Variants in WDFY3 observed in about 807,000 individuals in gnomAD.
WDFY3 encodes the protein WD repeat and FYVE domain containing 3, also known as WD repeat and FYVE domain-containing protein 3.
A neutral mutation model predicts 409.6 loss-of-function variants in WDFY3; 66 were observed. The ratio of observed to expected loss-of-function variants is 0.16; its 90% CI spans 0.13 to 0.20. The LOEUF is 0.20. Among genes scored for constraint, WDFY3 ranks in the 10% least tolerant of loss-of-function variants. WDFY3 has a pLI of 1.00. For synonymous variants in WDFY3, 1,521 were observed against 1,537.1 expected, an observed-to-expected ratio of 0.99 and a Z score of 0.25; for missense variants, 3,031 against 4,298.1, an observed-to-expected ratio of 0.71 and a Z score of 8.24.
chr4:84,881,096 T>G (rs1473421576), intron 3 of WDFY3, among the ~76,000 whole-genome samples: 2 of 152,058 alleles, frequency 1.3e-5, no homozygotes, highest in East Asian at 3.9e-4. Context: ...CAATATAGCC[T>G]TATTCAAGAT....
chr4:84,952,324 G>T (rs1773713620), intron 1 of WDFY3, among the ~76,000 whole-genome samples: 2 of 152,150 alleles, frequency 1.3e-5, no homozygotes, highest in Admixed American at 1.3e-4. Context: ...GAACATAAAA[G>T]AATGTATGAC....
Position 84,834,492 on chromosome 4 carries a change from A to AC in WDFY3, c.576+2436_576+2437insG, listed in dbSNP as rs543026922. Among the ~76,000 whole-genome samples, 226 of 149,804 alleles carry AC rather than the reference A, an allele frequency of 1.5e-3. 2 individuals are homozygous for AC. The highest frequency in any genetic ancestry group is 5.2e-3 in the African/African-American group (215 of 41,004). On this transcript the variant is annotated intron_variant, in intron 7 of 67. Coordinates refer to ENST00000295888, the MANE Select transcript of WDFY3 (RefSeq NM_014991.6). Reference sequence around the variant, plus strand: ...TGAAACCTCATCTCTACTAAAAACAAAAAAAAAAAACTAGCCAGGCATGGT... The same window carrying AC: ...TGAAACCTCATCTCTACTAAAAACAACAAAAAAAAAACTAGCCAGGCATGGT...
intron 16 of WDFY3, among the ~76,000 whole-genome samples, chr4:84,802,382 G>A (rs943103236): frequency 4.0e-5 from 6 of 151,388 alleles, no homozygotes; most frequent in Non-Finnish European, 7.4e-5. Flanking sequence ...GCCTCAGTCC[G>A]CCGAGTAGCT....
chr4:84,941,416 G>A (rs1459009864), intron 1 of WDFY3, among the ~76,000 whole-genome samples: 1 of 151,992 alleles, frequency 6.6e-6, no homozygotes, highest in Non-Finnish European at 1.5e-5. Context: ...CACATGAAAT[G>A]CTGAGGAGTA....
chr4:84,939,783 G>A (rs1235353849), intron 1 of WDFY3, among the ~76,000 whole-genome samples: 2 of 151,880 alleles, frequency 1.3e-5, no homozygotes, highest in African/African-American at 2.4e-5. Context: ...CATGGTATGT[G>A]CCCTACCCTA....
At chr4:84,805,721 T>A (rs1218589450) in intron 15 of WDFY3, among the ~76,000 whole-genome samples, 3 of 152,198 alleles carry the variant, frequency 2.0e-5, no homozygotes, top group Non-Finnish European at 4.4e-5. Flanking sequence ...TTGCTTAACT[T>A]ATCATCAGGT....
Position 84,753,884 on chromosome 4 carries a change from G to A in WDFY3, c.5560-8C>T. 1 of 1,570,516 alleles carries A rather than the reference G, an allele frequency of 6.4e-7. No individual in the cohort carries two copies. Among genetic ancestry groups the A allele is most frequent in the African/African-American group, 1.4e-5 (1 of 73,164 alleles). On this transcript the variant is annotated splice_polypyrimidine_tract_variant and splice_region_variant and intron_variant, in intron 34 of 67. Coordinates refer to ENST00000295888, the MANE Select transcript of WDFY3 (RefSeq NM_014991.6). ...TTCTTCTGATTGCCAAGGCTGTTAT[G>A]GGGACATGAGAGGAAACACTATGTT...
intron 40 of WDFY3, 97 bp downstream of exon 40, chr4:84,738,913 A>T: frequency 8.0e-7 from 1 of 1,243,302 alleles, no homozygotes; most frequent in Non-Finnish European, 1.2e-6. Context: ...AGTTGCTATC[A>T]ATGCTGGCAG....
intron 3 of WDFY3, among the ~76,000 whole-genome samples, chr4:84,876,466 G>T (rs1295515774): frequency 6.6e-6 from 1 of 152,168 alleles, no homozygotes; most frequent in African/African-American, 2.4e-5. Flanking sequence ...GTTATTTGTA[G>T]AAATTAGGTA....
chr4:84,878,909 T>C lies in WDFY3; in HGVS notation c.-32+18002A>G, dbSNP rs112464060. On this transcript the variant is annotated intron_variant, in intron 3 of 67. Coordinates refer to ENST00000295888, the MANE Select transcript of WDFY3 (RefSeq NM_014991.6). The stretch of plus-strand genomic sequence containing the variant: ...GTTTGCATCCCCACCTGTAATAGCA[T>C]TGCTGAAATTTAATTCCTTAAGTGT... Among the ~76,000 whole-genome samples, 126 of 152,314 alleles carry C rather than the reference T, an allele frequency of 8.3e-4. 1 individual carries two copies. Among genetic ancestry groups the C allele is most frequent in the African/African-American group, 2.5e-3 (104 of 41,576 alleles).
intron 1 of WDFY3, among the ~76,000 whole-genome samples, chr4:84,951,240 T>C (rs1256539470): frequency 2.0e-5 from 3 of 152,228 alleles, no homozygotes; most frequent in Non-Finnish European, 4.4e-5. Context: ...CTGGTCAACA[T>C]GTTTATCTTC....
At chr4:84,876,905 A>G (rs989529161) in intron 3 of WDFY3, among the ~76,000 whole-genome samples, 3 of 152,242 alleles carry the variant, frequency 2.0e-5, no homozygotes, top group African/African-American at 4.8e-5. Context: ...TAAAAATTAC[A>G]TTAATCATTT....
At chr4:84,739,318 G>A (rs1737998751) in intron 39 of WDFY3, 199 bp from the exon 40 acceptor site, 1 of 552,272 alleles carries the variant, frequency 1.8e-6, no homozygotes, top group African/African-American at 1.9e-5. Context: ...AATGTAATTA[G>A]ACTGATCTAT....
intron 44 of WDFY3, among the ~76,000 whole-genome samples, chr4:84,729,382 T>A (rs1736198698): frequency 6.6e-6 from 1 of 151,978 alleles, no homozygotes; most frequent in African/African-American, 2.4e-5. Flanking sequence ...ATTCATTTGT[T>A]TTAATTATGA....
chr4:84,758,404 C>T (rs551188025), intron 32 of WDFY3, among the ~76,000 whole-genome samples: 8 of 152,194 alleles, frequency 5.3e-5, no homozygotes, highest in Admixed American at 5.2e-4. Context: ...TGCAACCATG[C>T]CTGGCTAATT....
rs1349549372 is a variant in WDFY3 at position 84,803,205 on chromosome 4, T to A, written c.2607+85A>T. On this transcript the variant is annotated intron_variant, in intron 16 of 67. Coordinates refer to ENST00000295888, the MANE Select transcript of WDFY3 (RefSeq NM_014991.6). ...TAGTATGTAATATTAACTTTCTTCCTCAACCCCCTAGCTCATATAATCATA... is the reference window on the plus strand; with the variant it reads ...TAGTATGTAATATTAACTTTCTTCCACAACCCCCTAGCTCATATAATCATA... 3 of 1,367,154 alleles carry A rather than the reference T, an allele frequency of 2.2e-6. No individual in the cohort carries two copies. In the East Asian group the frequency reaches 7.7e-5, roughly 35 times the overall value. The allele number at this position is 1,367,154 out of a possible 1,614,324, so 84.7% of individuals were successfully genotyped here.
intron 1 of WDFY3, among the ~76,000 whole-genome samples, chr4:84,943,763 G>A (rs982253533): frequency 6.6e-6 from 1 of 152,116 alleles, no homozygotes; most frequent in African/African-American, 2.4e-5. Flanking sequence ...TCATCAACTA[G>A]TAAATAGCCT....
rs537529511 is a variant in WDFY3 at position 84,721,427 on chromosome 4, C to T, written c.7587G>A (p.Leu2529=). ...ACAATACCTTTTCTCCTTCCTCTAA[C>T]AGGCGCAGTAAGGTAGCATTATCTG... ...EKTDNATLLR[L]LEEGEKIQHM... Residue 2529 remains leucine, a synonymous_variant, in exon 47 of 68, where the codon CTG becomes CTA. Coordinates refer to ENST00000295888, the MANE Select transcript of WDFY3 (RefSeq NM_014991.6). The T allele has an allele frequency of 5.0e-6, 8 of 1,613,726 alleles. No homozygotes were observed. The East Asian group carries it at 1.8e-4, about 36-fold the overall frequency.
At chr4:84,834,326 T>C (rs1756235058) in intron 7 of WDFY3, among the ~76,000 whole-genome samples, 1 of 152,218 alleles carries the variant, frequency 6.6e-6, no homozygotes, top group African/African-American at 2.4e-5. Context: ...CCTTTCATTT[T>C]TACAGAACAG....
Sources: allele counts gnomAD v4.1 joint callset (sites outside exome capture counted in the v4.1 genomes callset), GRCh38; gene constraint gnomAD v4.1.1; transcripts MANE v1.5; gene names NCBI Gene and HGNC (gene_info 2026-07-23, HGNC 2026-07-21).